The following OSBPL8 variants were observed in gnomAD, a reference collection of about 807,000 sequenced individuals.
OSBPL8 encodes oxysterol binding protein like 8, also known as oxysterol-binding protein-related protein 8.
OSBPL8 carries 59 observed loss-of-function variants against 125.5 expected under a neutral mutation model. The ratio of observed to expected loss-of-function variants is 0.47; its 90% CI spans 0.38 to 0.58. The LOEUF (loss-of-function observed/expected upper bound fraction) is 0.58, where lower values mean the gene tolerates loss of function less well. Ranked by LOEUF, OSBPL8 falls within the 20% of genes least tolerant of loss-of-function variation. The pLI is 0.00. For missense variants in OSBPL8, 758 were observed against 1,047.8 expected (o/e 0.72, Z 3.82); for synonymous variants, 330 against 338.9 (o/e 0.97, Z 0.29).
chr12:76,490,395 A>C (rs1355609780), intron 1 of OSBPL8, among the ~76,000 whole-genome samples: 2 of 152,226 alleles, frequency 1.3e-5, no homozygotes, highest in African/African-American at 2.4e-5. Flanking sequence ...TATGCCTATA[A>C]AGACCCCAGA....
chr12:76,383,587 CTTTT>C (rs963066577), intron 15 of OSBPL8, among the ~76,000 whole-genome samples: 2 of 151,908 alleles, frequency 1.3e-5, no homozygotes, highest in African/African-American at 4.8e-5. Flanking sequence ...TTTATTTTTC[CTTTT>C]TTATCATAAT....
chr12:76,369,312 G>GAAAA lies in OSBPL8; in HGVS notation c.2241-15_2241-12dup. On this transcript the variant is annotated splice_polypyrimidine_tract_variant and intron_variant, in intron 20 of 23. Transcript: ENST00000261183. Reference sequence around the variant, plus strand: ...TCCCATGGTCGGGTACTACATAAATGAAAAAAAAAAAAACCATTTGCTCAA... The same window carrying GAAAA: ...TCCCATGGTCGGGTACTACATAAATGAAAAAAAAAAAAAAAAACCATTTGCTCAA... 20 of 1,409,316 alleles carry GAAAA rather than the reference G, an allele frequency of 1.4e-5. No homozygotes were observed. The highest frequency in any genetic ancestry group is 5.3e-5 in the East Asian group (2 of 37,418). 87.3% of individuals were successfully genotyped at this position (1,409,316 alleles called of 1,614,324 possible).
chr12:76,367,486 T>G (rs1353896122), intron 21 of OSBPL8, among the ~76,000 whole-genome samples: 1 of 152,164 alleles, frequency 6.6e-6, no homozygotes, highest in Admixed American at 6.6e-5. Context: ...ACACAGCAAA[T>G]AGTTGGGTCA....
intron 1 of OSBPL8, among the ~76,000 whole-genome samples, chr12:76,539,366 T>C (rs1364127863): frequency 6.6e-6 from 1 of 152,040 alleles, no homozygotes; most frequent in Non-Finnish European, 1.5e-5. Flanking sequence ...TTTAAACATA[T>C]GTAAAGGTAA....
At chr12:76,543,003 C>T (rs1263075864) in intron 1 of OSBPL8, among the ~76,000 whole-genome samples, 2 of 152,156 alleles carry the variant, frequency 1.3e-5, no homozygotes, top group Admixed American at 6.5e-5. Context: ...TCTTTGGCTC[C>T]CCTCCCCGAC....
Position 76,483,004 on chromosome 12 carries a change from G to A in OSBPL8, c.42+4506C>T, listed in dbSNP as rs532441153. 6.6e-5 allele frequency among the ~76,000 whole-genome samples: 10 copies of A among 152,328 alleles called. 1 individual carries two copies. The South Asian group carries it at 2.1e-3, about 32-fold the overall frequency. On this transcript the variant is annotated intron_variant, in intron 2 of 23. Coordinates refer to ENST00000261183, the MANE Select transcript of OSBPL8 (RefSeq NM_020841.5). ...GGGCAGGGCACGGTGGCTCATGCCT[G>A]TAATCCCAGCACTTTAGGAGGCCGA...
rs568867379 is a variant in OSBPL8 at position 76,442,439 on chromosome 12, C to T, written c.217+8412G>A. ...TACCCAAAGACAAGGAACTTCAAAA[C>T]AGAAAACAACCTATTTTTAAACATA... On this transcript the variant is annotated intron_variant, in intron 4 of 23. Coordinates refer to ENST00000261183, the MANE Select transcript of OSBPL8 (RefSeq NM_020841.5). 7.2e-5 allele frequency among the ~76,000 whole-genome samples: 11 copies of T among 152,148 alleles called. No individual in the cohort carries two copies. The South Asian group carries it at 1.0e-3, about 14-fold the overall frequency.
chr12:76,527,922 A>C (rs975259191), intron 1 of OSBPL8, among the ~76,000 whole-genome samples: 9 of 152,224 alleles, frequency 5.9e-5, no homozygotes, highest in Non-Finnish European at 1.3e-4. Flanking sequence ...AGATATGCAG[A>C]AATGCAAGAA....
chr12:76,558,940 C>T (rs528900759), intron 1 of OSBPL8, among the ~76,000 whole-genome samples: 33 of 152,222 alleles, frequency 2.2e-4, no homozygotes, highest in Non-Finnish European at 3.2e-4. Context: ...TGTCGCTTGG[C>T]TCTGCAAAGG....
intron 21 of OSBPL8, among the ~76,000 whole-genome samples, chr12:76,362,715 T>C (rs4761331): frequency 0.56 from 84,548 of 151,766 alleles, 24,181 homozygotes; most frequent in East Asian, 0.91. Flanking sequence ...TAGAGGGTAT[T>C]CAAATAGGAG....
At chr12:76,369,097 T>C in intron 21 of OSBPL8, 117 bp downstream of exon 21, 5 of 1,334,018 alleles carry the variant, frequency 3.7e-6, no homozygotes, top group Non-Finnish European at 5.0e-6. Flanking sequence ...AGTTCAGAGC[T>C]GCGTATTTTG....
intron 2 of OSBPL8, among the ~76,000 whole-genome samples, chr12:76,466,283 A>G (rs959256580): frequency 4.6e-5 from 7 of 151,558 alleles, no homozygotes; most frequent in African/African-American, 1.7e-4. Context: ...TGAAAAAAAT[A>G]TAAAGTTTTT....
intron 21 of OSBPL8, among the ~76,000 whole-genome samples, chr12:76,360,920 T>A (rs1366828804): frequency 6.6e-6 from 1 of 152,176 alleles, no homozygotes; most frequent in South Asian, 2.1e-4. Flanking sequence ...TTTTTCCTCC[T>A]AGGCTTCCAG....
chr12:76,376,513 ACTT>A (rs1378796444), intron 16 of OSBPL8, among the ~76,000 whole-genome samples: 2 of 152,164 alleles, frequency 1.3e-5, no homozygotes, highest in African/African-American at 2.4e-5. Flanking sequence ...AGTGGTTATA[ACTT>A]CTTTTCTTTT....
At chr12:76,356,468 TTCG>T (rs1951991302) in intron 23 of OSBPL8, among the ~76,000 whole-genome samples, 155 bp downstream of exon 23, 1 of 152,000 alleles carries the variant, frequency 6.6e-6, no homozygotes, top group Admixed American at 6.5e-5. Flanking sequence ...CTGGAGGAAT[TTCG>T]TAAGTGTCAA....
intron 1 of OSBPL8, among the ~76,000 whole-genome samples, chr12:76,502,013 A>G (rs1363921209): frequency 6.6e-6 from 1 of 152,212 alleles, no homozygotes; most frequent in Non-Finnish European, 1.5e-5. Flanking sequence ...CAATGAATCC[A>G]TGCTCAGGGA....
chr12:76,472,898 G>A (rs968231695), intron 2 of OSBPL8, among the ~76,000 whole-genome samples: 4 of 152,222 alleles, frequency 2.6e-5, no homozygotes, highest in East Asian at 3.9e-4. Flanking sequence ...TCCACAAGAG[G>A]TGGAGGAGTA....
At chr12:76,356,340 C>T (rs545470470) in intron 23 of OSBPL8, among the ~76,000 whole-genome samples, 1 of 152,250 alleles carries the variant, frequency 6.6e-6, no homozygotes, top group South Asian at 2.1e-4. Flanking sequence ...GAAACAATCC[C>T]ACCTCCACAT....
At chr12:76,424,753 C>G (rs1869942860) in intron 4 of OSBPL8, among the ~76,000 whole-genome samples, 1 of 152,024 alleles carries the variant, frequency 6.6e-6, no homozygotes. Flanking sequence ...TTAAAAGAGT[C>G]TAGGTTAAAA....
Sources: allele counts gnomAD v4.1 joint callset (sites outside exome capture counted in the v4.1 genomes callset), GRCh38; gene constraint gnomAD v4.1.1; transcripts MANE v1.5; gene names NCBI Gene and HGNC (gene_info 2026-07-23, HGNC 2026-07-21).